CHFR: variants seen among roughly 807,000 people sequenced by gnomAD.
CHFR encodes the protein E3 ubiquitin-protein ligase CHFR.
A neutral mutation model predicts 87.6 loss-of-function variants in CHFR; 57 were observed. That is an observed-to-expected ratio of 0.65 (90% CI 0.53 to 0.81). The LOEUF (loss-of-function observed/expected upper bound fraction) is 0.81. CHFR is among the 30% of genes least tolerant of loss of function. CHFR has a pLI of 0.00. For synonymous variants in CHFR, 381 were observed against 359.2 expected, an observed-to-expected ratio of 1.06 and a Z score of -0.69; for missense variants, 797 against 865.8, an observed-to-expected ratio of 0.92 and a Z score of 1.00.
Position 132,841,453 on chromosome 12 carries a change from C to T in CHFR, c.*101G>A, listed in dbSNP as rs1361292300. 3.8e-6 allele frequency: 4 copies of T among 1,060,510 alleles called. No homozygotes were observed. Among genetic ancestry groups the T allele is most frequent in the African/African-American group, 3.1e-5 (2 of 63,944 alleles). The allele number at this position is 1,060,510 out of a possible 1,614,324, so 65.7% of individuals were successfully genotyped here. ...CTGTCGGAGACCCTGCGTCCCTTCC[C>T]TCAGGGGGCTGTGAAAACACCTTGA... On this transcript the variant is annotated 3_prime_UTR_variant, in exon 18 of 18. Transcript: ENST00000450056.
intron 17 of CHFR, among the ~76,000 whole-genome samples, chr12:132,842,454 A>G (rs76060528): frequency 0.12 from 17,676 of 152,280 alleles, 1,371 homozygotes; most frequent in Non-Finnish European, 0.17. Flanking sequence ...TCCACACAAC[A>G]TCTCGTCCTG....
chr12:132,883,866 G>A (rs527354484), intron 2 of CHFR, among the ~76,000 whole-genome samples: 4 of 151,712 alleles, frequency 2.6e-5, no homozygotes, highest in Admixed American at 6.6e-5. Context: ...TAATCCCAAC[G>A]CTTTGGGAGG....
At chr12:132,883,805 T>C (rs1481099462) in intron 2 of CHFR, among the ~76,000 whole-genome samples, 1 of 152,104 alleles carries the variant, frequency 6.6e-6, no homozygotes, top group African/African-American at 2.4e-5. Context: ...GGCAGGCACA[T>C]CATTGCTTTA....
At chr12:132,851,110 C>A (rs898473209) in intron 12 of CHFR, among the ~76,000 whole-genome samples, 5 of 151,900 alleles carry the variant, frequency 3.3e-5, no homozygotes, top group African/African-American at 1.2e-4. Flanking sequence ...TTGGCCTCAG[C>A]CTCCCGAGTA....
chr12:132,840,329 G>C lies in CHFR; in HGVS notation c.*1225C>G, dbSNP rs1055589435. On this transcript the variant is annotated 3_prime_UTR_variant, in exon 18 of 18. Transcript: ENST00000450056. ...CGCATGGGGAAGTGAGGCAGCCCCA[G>C]ACACGAGCCCAACACGAGAGCGGAG... 44 of 151,080 alleles carry C rather than the reference G, an allele frequency of 2.9e-4. No homozygotes were observed. Among genetic ancestry groups the C allele is most frequent in the Admixed American group, 2.9e-3 (44 of 15,114 alleles). 9.4% of individuals were successfully genotyped at this position (151,080 alleles called of 1,614,324 possible).
intron 17 of CHFR, among the ~76,000 whole-genome samples, chr12:132,841,889 T>G (rs1157069986): frequency 2.0e-5 from 3 of 152,008 alleles, no homozygotes; most frequent in Non-Finnish European, 4.4e-5. Context: ...GGCGGATCAC[T>G]TGAGGTCAGG....
At position 132,835,607 on chromosome 12, in the gene CHFR, C is replaced by T. The variant is rs1037601595; in HGVS notation, c.*5947G>A. On this transcript the variant is annotated 3_prime_UTR_variant, in exon 18 of 18. Coordinates refer to ENST00000450056, the MANE Select transcript of CHFR (RefSeq NM_001161346.2). ...TGAGAACTCAAGGAGATGCTGCCCACGAGCCAAGGAGACAGACCAAAGAGG... is the reference window on the plus strand; with the variant it reads ...TGAGAACTCAAGGAGATGCTGCCCATGAGCCAAGGAGACAGACCAAAGAGG... 3.9e-5 allele frequency: 7 copies of T among 179,176 alleles called. No homozygotes were observed. In the East Asian group the frequency reaches 9.2e-4, roughly 24 times the overall value. 11.1% of individuals were successfully genotyped at this position (179,176 alleles called of 1,614,324 possible).
chr12:132,859,419 C>T (rs1369624054), intron 7 of CHFR, among the ~76,000 whole-genome samples, 192 bp from the exon 8 acceptor site: 5 of 151,978 alleles, frequency 3.3e-5, no homozygotes, highest in African/African-American at 1.2e-4. Context: ...GGCGCGATCT[C>T]GGCTCACTGC....
intron 11 of CHFR, among the ~76,000 whole-genome samples, chr12:132,852,646 G>A (rs1950973152): frequency 6.6e-6 from 1 of 152,268 alleles, no homozygotes; most frequent in African/African-American, 2.4e-5. Context: ...AGCTTGTCCA[G>A]TGACCCAGAC....
chr12:132,878,298 A>G (rs1252717257), intron 2 of CHFR, among the ~76,000 whole-genome samples: 5 of 151,942 alleles, frequency 3.3e-5, no homozygotes, highest in Admixed American at 6.6e-5. Context: ...GTGAAACCCC[A>G]TATCTACTAA....
At position 132,869,646 on chromosome 12, in the gene CHFR, CAGG is replaced by C. The variant is rs1593503293; in HGVS notation, c.553_555del (p.Pro185del). The C allele has an allele frequency of 2.6e-6, 4 of 1,551,660 alleles. No homozygotes were observed. Among genetic ancestry groups the C allele is most frequent in the Non-Finnish European group, 2.6e-6 (3 of 1,146,988 alleles). On this transcript the variant is annotated inframe_deletion, in exon 6 of 18. Coordinates refer to ENST00000450056, the MANE Select transcript of CHFR (RefSeq NM_001161346.2). Reference sequence around the variant, plus strand: ...CAACTGGAGGAACGCTCTCGCCCTGCAGGAGAAGGCTCCGTGGAAGAGGCCGAG... The same window carrying C: ...CAACTGGAGGAACGCTCTCGCCCTGCAGAAGGCTCCGTGGAAGAGGCCGAG...
At chr12:132,848,839 G>A (rs1566178005) in intron 12 of CHFR, 115 bp from the exon 13 acceptor site, 3 of 782,348 alleles carry the variant, frequency 3.8e-6, no homozygotes, top group Middle Eastern at 3.4e-4. Flanking sequence ...TTCAGGAGGG[G>A]TCTCATGGAA....
In CHFR at chr12:132,841,464, G is replaced by A; in HGVS notation, c.*90C>T. On this transcript the variant is annotated 3_prime_UTR_variant, in exon 18 of 18. Transcript: ENST00000450056. ...CCTGCGTCCCTTCCCTCAGGGGGCT[G>A]TGAAAACACCTTGACGTGCTTGTCT... 1.7e-6 allele frequency: 2 copies of A among 1,203,846 alleles called. No homozygotes were observed. Among genetic ancestry groups the A allele is most frequent in the Non-Finnish European group, 2.5e-6 (2 of 807,192 alleles). The allele number at this position is 1,203,846 out of a possible 1,614,324, so 74.6% of individuals were successfully genotyped here. A position where few individuals can be genotyped will look rare whatever the true frequency, so the allele number is the denominator to read the frequency against.
Position 132,836,921 on chromosome 12 carries a change from T to C in CHFR, c.*4633A>G. 5.4e-6 allele frequency: 2 copies of C among 370,284 alleles called. No individual in the cohort carries two copies. Among genetic ancestry groups the C allele is most frequent in the South Asian group, 4.0e-5 (2 of 49,714 alleles). The allele number at this position is 370,284 out of a possible 1,614,324, so 22.9% of individuals were successfully genotyped here. On this transcript the variant is annotated 3_prime_UTR_variant, in exon 18 of 18. Transcript: ENST00000450056. ...GGGCAGACAGGCAAGATCCCTGCTC[T>C]ATTTTTTTGAGAGGGGGAGACAAAC...
intron 2 of CHFR, among the ~76,000 whole-genome samples, chr12:132,884,525 C>T (rs766084372): frequency 3.3e-5 from 5 of 152,012 alleles, no homozygotes; most frequent in Admixed American, 1.3e-4. Flanking sequence ...CCCTAAAATT[C>T]ATATATTTAA....
intron 12 of CHFR, 75 bp from the exon 13 acceptor site, chr12:132,848,799 T>C (rs1360731941): frequency 9.1e-7 from 1 of 1,099,236 alleles, no homozygotes; most frequent in Non-Finnish European, 1.3e-6. Context: ...AGCACCAGGC[T>C]CAGGAGCTCA....
chr12:132,859,012 G>T, intron 8 of CHFR, 56 bp downstream of exon 8: 3 of 1,547,262 alleles, frequency 1.9e-6, no homozygotes, highest in East Asian at 2.3e-5. Flanking sequence ...TGCCCCACAC[G>T]GGACGAAGAA....
chr12:132,837,253 G>A lies in CHFR; in HGVS notation c.*4301C>T, dbSNP rs566500521. The stretch of plus-strand genomic sequence containing the variant: ...TATGTAATAAACCACCCCAAATGCA[G>A]TGGCTTAAACAACTACTTATTTCTC... On this transcript the variant is annotated 3_prime_UTR_variant, in exon 18 of 18. Coordinates refer to ENST00000450056, the MANE Select transcript of CHFR (RefSeq NM_001161346.2). The A allele has an allele frequency of 1.7e-4, 32 of 190,098 alleles. No homozygotes were observed. Among genetic ancestry groups the A allele is most frequent in the Non-Finnish European group, 3.3e-4 (30 of 90,524 alleles). The allele number at this position is 190,098 out of a possible 1,614,324, so 11.8% of individuals were successfully genotyped here. A position where few individuals can be genotyped will look rare whatever the true frequency, so the allele number is the denominator to read the frequency against.
rs1385130212 is a variant in CHFR, at chr12:132,838,955, G to C, written c.*2599C>G. On this transcript the variant is annotated 3_prime_UTR_variant, in exon 18 of 18. Transcript: ENST00000450056. ...CCAAGGCCTCCTCCCTCACATCACA[G>C]CCAAACCCAAGCTGTTCCGACTGCT... 1.3e-5 allele frequency: 2 copies of C among 152,398 alleles called. No individual in the cohort carries two copies. Among genetic ancestry groups the C allele is most frequent in the African/African-American group, 4.8e-5 (2 of 41,406 alleles). The allele number at this position is 152,398 out of a possible 1,614,324, so 9.4% of individuals were successfully genotyped here. A position where few individuals can be genotyped will look rare whatever the true frequency, so the allele number is the denominator to read the frequency against.
Sources: gnomAD v4.1 joint callset for allele counts (sites outside exome capture counted in the v4.1 genomes callset) on GRCh38, gnomAD v4.1.1 for gene constraint, MANE v1.5 for transcripts, NCBI Gene and HGNC (gene_info 2026-07-23, HGNC 2026-07-21) for gene names.